The following RYR2 variants were observed in gnomAD, a reference collection of about 807,000 sequenced individuals.
RYR2 encodes the protein ryanodine receptor 2.
A neutral mutation model predicts 601.1 loss-of-function variants in RYR2; 227 were observed. That is an observed-to-expected ratio of 0.38 (90% CI 0.34 to 0.42). RYR2 has a LOEUF of 0.42. Ranked by LOEUF, RYR2 falls within the 10% of genes least tolerant of loss-of-function variation. The pLI is 1.00. For missense variants in RYR2, 4,646 were observed against 6,156.5 expected, an observed-to-expected ratio of 0.75 and a Z score of 8.21; for synonymous variants, 2,223 against 2,175.1, an observed-to-expected ratio of 1.02 and a Z score of -0.61.
chr1:237,282,179 A>G lies in RYR2; in HGVS notation c.168+11563A>G, dbSNP rs1207504806. Among the ~76,000 whole-genome samples the G allele has an allele frequency of 2.2e-5, 3 of 138,818 alleles. No individual in the cohort carries two copies. The East Asian group carries it at 7.0e-4, about 32-fold the overall frequency. 91.1% of individuals were successfully genotyped at this position (138,818 alleles called of 152,430 possible). ...GCAGCAAATGAAGCTCTAACACAGA[A>G]GTTGGCGCATTTTTTTTTTTTTCTG... is the stretch of plus-strand genomic sequence containing the variant. On this transcript the variant is annotated intron_variant, in intron 2 of 104. Transcript: ENST00000366574.
chr1:237,821,446 G>T (rs992948551), intron 101 of RYR2, among the ~76,000 whole-genome samples: 12 of 152,120 alleles, frequency 7.9e-5, no homozygotes, highest in Non-Finnish European at 1.5e-5. Context: ...CTATTAGAAG[G>T]AAAGCTAACA....
At chr1:237,760,663 T>C (rs1184048643) in intron 83 of RYR2, among the ~76,000 whole-genome samples, 1 of 152,156 alleles carries the variant, frequency 6.6e-6, no homozygotes, top group Non-Finnish European at 1.5e-5. Context: ...ACATAATTAT[T>C]AGAATTTTAT....
At chr1:237,439,536 C>T (rs531241849) in intron 12 of RYR2, among the ~76,000 whole-genome samples, 4 of 151,672 alleles carry the variant, frequency 2.6e-5, no homozygotes, top group Non-Finnish European at 4.4e-5. Flanking sequence ...CCCAGCTACT[C>T]GGGAGGCTGA....
intron 27 of RYR2, among the ~76,000 whole-genome samples, 185 bp downstream of exon 27, chr1:237,550,876 G>T (rs1670315327): frequency 1.3e-5 from 2 of 152,112 alleles, no homozygotes; most frequent in Non-Finnish European, 2.9e-5. Flanking sequence ...CAGTGGGATG[G>T]CTCAGGATGC....
intron 1 of RYR2, among the ~76,000 whole-genome samples, chr1:237,071,519 C>T (rs746237158): frequency 2.0e-5 from 3 of 152,154 alleles, no homozygotes; most frequent in Admixed American, 1.3e-4. Context: ...CCACCCTGCC[C>T]GGCCGAGTCC....
intron 19 of RYR2, among the ~76,000 whole-genome samples, chr1:237,493,612 C>T (rs1010098654): frequency 6.6e-6 from 1 of 152,106 alleles, no homozygotes; most frequent in Non-Finnish European, 1.5e-5. Flanking sequence ...GCCACCACGC[C>T]TGGCTAATTT....
At chr1:237,617,022 T>G (rs1678551607) in intron 37 of RYR2, among the ~76,000 whole-genome samples, 1 of 152,176 alleles carries the variant, frequency 6.6e-6, no homozygotes, top group Admixed American at 6.5e-5. Context: ...TGGGGGTTAT[T>G]ACAATTCAAG....
intron 63 of RYR2, among the ~76,000 whole-genome samples, chr1:237,696,826 G>A (rs1428152632): frequency 6.6e-6 from 1 of 152,046 alleles, no homozygotes; most frequent in Non-Finnish European, 1.5e-5. Context: ...ATATTCTCAA[G>A]TTCTTCACCA....
chr1:237,816,836 CAAGTTTTGAAA>C (rs1022318781), intron 100 of RYR2, among the ~76,000 whole-genome samples: 5 of 152,100 alleles, frequency 3.3e-5, no homozygotes, highest in African/African-American at 1.2e-4. Flanking sequence ...TTTCAAGCAC[CAAGTTTTGAAA>C]AACTACAGCA....
At chr1:237,503,188 A>G in intron 21 of RYR2, 101 bp from the exon 22 acceptor site, 1 of 1,052,956 alleles carries the variant, frequency 9.5e-7, no homozygotes, top group Non-Finnish European at 1.4e-6. Context: ...GGCTTCTGAT[A>G]AAATACTTTT....
At chr1:237,488,392 G>T (rs372657540) in intron 17 of RYR2, among the ~76,000 whole-genome samples, 22 of 152,256 alleles carry the variant, frequency 1.4e-4, no homozygotes, top group African/African-American at 5.1e-4. Flanking sequence ...AAGAAAGTTC[G>T]TCCTCACATG....
intron 3 of RYR2, among the ~76,000 whole-genome samples, chr1:237,334,322 G>T (rs1472528377): frequency 1.3e-5 from 2 of 151,642 alleles, no homozygotes; most frequent in African/African-American, 4.8e-5. Flanking sequence ...ATGAAGTTTT[G>T]GTTCCCTAAA....
intron 73 of RYR2, among the ~76,000 whole-genome samples, 185 bp from the exon 74 acceptor site, chr1:237,722,943 A>T (rs1689871274): frequency 6.6e-6 from 1 of 152,196 alleles, no homozygotes; most frequent in South Asian, 2.1e-4. Context: ...AACTGTAATC[A>T]CCATGCTGTA....
At chr1:237,279,468 ACT>A (rs1690631694) in intron 2 of RYR2, among the ~76,000 whole-genome samples, 3 of 152,208 alleles carry the variant, frequency 2.0e-5, no homozygotes, top group Admixed American at 2.0e-4. Context: ...ACAGAGTGAG[ACT>A]CTGTCTCAAT....
chr1:237,824,737 T>C (rs1662901545), intron 101 of RYR2, among the ~76,000 whole-genome samples: 1 of 151,930 alleles, frequency 6.6e-6, no homozygotes, highest in South Asian at 2.1e-4. Flanking sequence ...GGAAGTCGAA[T>C]TGTCTGCAGA....
chr1:237,523,139 A>G (rs1281240296), intron 24 of RYR2, among the ~76,000 whole-genome samples: 1 of 152,224 alleles, frequency 6.6e-6, no homozygotes, highest in Non-Finnish European at 1.5e-5. Flanking sequence ...CATTGCTCCC[A>G]TTTTAAAACC....
chr1:237,386,728 T>G (rs1402728156), intron 8 of RYR2, among the ~76,000 whole-genome samples: 2 of 152,236 alleles, frequency 1.3e-5, no homozygotes, highest in African/African-American at 4.8e-5. Context: ...GTATCTGAAT[T>G]TCGGAAGAAA....
In RYR2 at chr1:237,096,585, C is replaced by T. The variant is rs548494582; in HGVS notation, c.48+54016C>T. Among the ~76,000 whole-genome samples, 3 of 152,062 alleles carry T rather than the reference C, an allele frequency of 2.0e-5. No individual in the cohort carries two copies. In the South Asian group the frequency reaches 6.2e-4, roughly 31 times the overall value. ...GGTATATATTTGGCAAGGGAATATA[C>T]GTTGGTATCTTATTTTTCTAACCAT... On this transcript the variant is annotated intron_variant, in intron 1 of 104. Transcript: ENST00000366574.
chr1:237,623,359 GTTTC>G (rs1189274935), intron 38 of RYR2, among the ~76,000 whole-genome samples: 145 of 48,950 alleles, frequency 3.0e-3, no homozygotes, highest in Middle Eastern at 0.014. Context: ...GCCTTTCTTT[GTTTC>G]TTTCTTTCTT....
Sources: allele counts gnomAD v4.1 joint callset (sites outside exome capture counted in the v4.1 genomes callset), GRCh38; gene constraint gnomAD v4.1.1; transcripts MANE v1.5; gene names NCBI Gene and HGNC (gene_info 2026-07-23, HGNC 2026-07-21).